Variants in DLG2 observed in about 807,000 individuals in gnomAD.
The protein encoded by DLG2 is disks large homolog 2.
In DLG2, 45 loss-of-function variants were observed where a neutral mutation model predicts 132.5. That is an observed-to-expected ratio of 0.34 (90% CI 0.27 to 0.44). The LOEUF (loss-of-function observed/expected upper bound fraction) is 0.44. Among genes scored for constraint, DLG2 ranks in the 20% least tolerant of loss-of-function variants. The probability of loss-of-function intolerance (pLI) is 1.00; values close to 1 mark genes in which losing one functional copy is unlikely to be tolerated. For synonymous variants in DLG2, 424 were observed against 419.6 expected (o/e 1.01, Z -0.13); for missense variants, 1,045 against 1,196.9 (o/e 0.87, Z 1.87).
intron 6 of DLG2, among the ~76,000 whole-genome samples, chr11:84,957,237 C>T (rs951559659): frequency 6.6e-6 from 1 of 152,156 alleles, no homozygotes; most frequent in Non-Finnish European, 1.5e-5. Flanking sequence ...TTATCCATTA[C>T]ACTATATTAC....
Position 85,609,914 on chromosome 11 carries a change from T to G in DLG2, c.-92-11126A>C, listed in dbSNP as rs1008209329. On this transcript the variant is annotated intron_variant, in intron 2 of 27. Transcript: ENST00000376104. ...CTCCTCAGTTGTAATTGGGAGACTT[T>G]GCTCTCTTCACATGCCTTTCTTGTT... is the stretch of plus-strand genomic sequence containing the variant. Among the ~76,000 whole-genome samples the G allele has an allele frequency of 2.6e-5, 4 of 152,342 alleles. No individual in the cohort carries two copies. The South Asian group carries it at 6.2e-4, about 24-fold the overall frequency.
At chr11:84,478,935 TA>T (rs1362745735) in intron 7 of DLG2, among the ~76,000 whole-genome samples, 1 of 152,082 alleles carries the variant, frequency 6.6e-6, no homozygotes, top group Non-Finnish European at 1.5e-5. Context: ...CTTTGCCACA[TA>T]AATGAAGAGT....
intron 4 of DLG2, among the ~76,000 whole-genome samples, chr11:85,253,100 G>A (rs2076479622): frequency 6.6e-6 from 1 of 152,050 alleles, no homozygotes; most frequent in Non-Finnish European, 1.5e-5. Context: ...AGTTTCTCTT[G>A]TTCTGAATGA....
chr11:85,096,278 C>T (rs2069753004), intron 6 of DLG2, among the ~76,000 whole-genome samples: 3 of 152,302 alleles, frequency 2.0e-5, no homozygotes, highest in South Asian at 4.1e-4. Context: ...TCGCTCTTCA[C>T]AATAAATCTT....
chr11:84,127,079 C>T (rs796228828), intron 9 of DLG2, among the ~76,000 whole-genome samples: 27 of 152,214 alleles, frequency 1.8e-4, no homozygotes, highest in African/African-American at 6.5e-4. Context: ...GGAATTTATC[C>T]AAAGTAAACA....
chr11:84,076,124 T>C (rs1393922832), intron 10 of DLG2, among the ~76,000 whole-genome samples: 2 of 152,210 alleles, frequency 1.3e-5, no homozygotes, highest in Non-Finnish European at 2.9e-5. Flanking sequence ...CTGGTGTCAG[T>C]CATTCATATT....
chr11:83,539,656 T>C (rs2096002630), intron 20 of DLG2, among the ~76,000 whole-genome samples: 2 of 151,136 alleles, frequency 1.3e-5, no homozygotes, highest in Admixed American at 1.3e-4. Context: ...ATGTATATAA[T>C]ATATATTATA....
chr11:85,152,243 A>AT (rs1566940845), intron 5 of DLG2, among the ~76,000 whole-genome samples: 2 of 149,006 alleles, frequency 1.3e-5, no homozygotes, highest in Admixed American at 1.4e-4. Context: ...TTTATTTATT[A>AT]ATTTTTTTTT....
chr11:84,053,090 A>G (rs1390379939), intron 11 of DLG2, among the ~76,000 whole-genome samples: 1 of 152,100 alleles, frequency 6.6e-6, no homozygotes, highest in Non-Finnish European at 1.5e-5. Flanking sequence ...GCCATAAAAA[A>G]GGAAGGAGAT....
At chr11:83,631,707 T>C (rs2063588958) in intron 19 of DLG2, 1 of 152,200 alleles carries the variant, frequency 6.6e-6, no homozygotes, top group South Asian at 2.1e-4. Context: ...GAACAATTTA[T>C]GCATTCTATC....
At chr11:85,577,455 T>C (rs2078224999) in intron 3 of DLG2, among the ~76,000 whole-genome samples, 1 of 152,044 alleles carries the variant, frequency 6.6e-6, no homozygotes, top group Non-Finnish European at 1.5e-5. Context: ...TAAATGATGA[T>C]ATTTATTGAG....
intron 6 of DLG2, among the ~76,000 whole-genome samples, chr11:84,721,791 A>C (rs78817480): frequency 9.2e-4 from 140 of 152,270 alleles, no homozygotes; most frequent in Admixed American, 5.8e-3. Flanking sequence ...AGTCATTTAC[A>C]TTATCCAAAC....
chr11:85,335,370 AT>A (rs1289203589), intron 3 of DLG2, among the ~76,000 whole-genome samples: 6 of 151,960 alleles, frequency 3.9e-5, no homozygotes, highest in African/African-American at 1.5e-4. Flanking sequence ...TCTTTATCCA[AT>A]TTGCCACTCT....
intron 7 of DLG2, among the ~76,000 whole-genome samples, chr11:84,336,330 C>T (rs751870196): frequency 1.3e-4 from 20 of 152,144 alleles, no homozygotes; most frequent in Non-Finnish European, 2.5e-4. Flanking sequence ...CTCCCTGTTC[C>T]CCAATCTTCT....
chr11:84,151,374 A>G (rs2095288118), intron 9 of DLG2, among the ~76,000 whole-genome samples: 1 of 152,014 alleles, frequency 6.6e-6, no homozygotes, highest in Non-Finnish European at 1.5e-5. Context: ...GATCTTTTGT[A>G]TTTCTGTGGG....
chr11:85,053,305 G>A (rs967268359), intron 6 of DLG2, among the ~76,000 whole-genome samples: 1 of 152,116 alleles, frequency 6.6e-6, no homozygotes, highest in Non-Finnish European at 1.5e-5. Context: ...AATGTAGTGT[G>A]GGGTCTGCCA....
chr11:83,857,235 T>G (rs1376627748), intron 16 of DLG2, among the ~76,000 whole-genome samples: 1 of 152,238 alleles, frequency 6.6e-6, no homozygotes, highest in African/African-American at 2.4e-5. Context: ...TAATATAGTT[T>G]GAAGTCAGCT....
intron 10 of DLG2, among the ~76,000 whole-genome samples, chr11:84,089,089 A>G (rs943830042): frequency 2.6e-5 from 4 of 152,126 alleles, no homozygotes; most frequent in Admixed American, 2.0e-4. Context: ...TTTATTTGCA[A>G]TCACCCAAAC....
chr11:83,707,154 G>C (rs116323287), intron 18 of DLG2, among the ~76,000 whole-genome samples: 4,669 of 152,260 alleles, frequency 0.031, 264 homozygotes, highest in African/African-American at 0.11. Flanking sequence ...GAGAACAAAA[G>C]ATGAGGCTGA....
Sources: allele counts gnomAD v4.1 joint callset (sites outside exome capture counted in the v4.1 genomes callset), GRCh38; gene constraint gnomAD v4.1.1; transcripts MANE v1.5; gene names NCBI Gene and HGNC (gene_info 2026-07-23, HGNC 2026-07-21).